ZPBP: variants seen among roughly 807,000 people sequenced by gnomAD.
ZPBP encodes the protein zona pellucida binding protein.
ZPBP carries 26 observed loss-of-function variants against 44.8 expected under a neutral mutation model. The ratio of observed to expected loss-of-function variants is 0.58; its 90% CI spans 0.43 to 0.81. The LOEUF (loss-of-function observed/expected upper bound fraction) is 0.81, where lower values mean the gene tolerates loss of function less well. Ranked by LOEUF, ZPBP falls within the 30% of genes least tolerant of loss-of-function variation. ZPBP has a pLI of 0.00. For missense variants in ZPBP, 409 were observed against 434.0 expected, an observed-to-expected ratio of 0.94 and a Z score of 0.51; for synonymous variants, 174 against 153.2, an observed-to-expected ratio of 1.14 and a Z score of -1.00.
At chr7:49,871,952 CACACA>C (rs1791174015) in intron 2 of ZPBP, among the ~76,000 whole-genome samples, 1 of 78,406 alleles carries the variant, frequency 1.3e-5, no homozygotes, top group African/African-American at 5.3e-5. Context: ...CACACACACA[CACACA>C]CCGAGAAAGA....
chr7:49,931,643 G>C lies in ZPBP; in HGVS notation n.411+4108C>G, dbSNP rs544854125. Among the ~76,000 whole-genome samples the C allele has an allele frequency of 3.4e-4, 52 of 152,302 alleles. 1 individual carries two copies. In the South Asian group the frequency reaches 0.011, roughly 32 times the overall value. On this transcript the variant is annotated intron_variant and non_coding_transcript_variant, in intron 1 of 2. Coordinates refer to the ZPBP transcript ENST00000465922. ...TTTGGAAAATTTGCAGCCTGACGAT[G>C]GGATAGAAAAGAAAAACCCATTTTC...
At chr7:49,894,410 G>T (rs1792278719) in intron 2 of ZPBP, among the ~76,000 whole-genome samples, 1 of 152,226 alleles carries the variant, frequency 6.6e-6, no homozygotes. Flanking sequence ...TATGATTACA[G>T]GCATGAGCCA....
At chr7:49,850,180 C>T (rs901323002), downstream of ZPBP, among the ~76,000 whole-genome samples, 1 of 152,202 alleles carries the variant, frequency 6.6e-6, no homozygotes, top group Non-Finnish European at 1.5e-5. Flanking sequence ...GAGCATAGTA[C>T]CACAACACAG....
chr7:49,900,894 G>T (rs553778866), intron 2 of ZPBP, among the ~76,000 whole-genome samples: 1 of 151,968 alleles, frequency 6.6e-6, no homozygotes, highest in African/African-American at 2.4e-5. Flanking sequence ...CCAACCATGT[G>T]TAAGAATAAT....
intron 2 of ZPBP, among the ~76,000 whole-genome samples, chr7:50,089,358 T>C (rs1276596172): frequency 2.0e-5 from 3 of 152,092 alleles, no homozygotes; most frequent in African/African-American, 4.8e-5. Context: ...TTTAATATTA[T>C]AGCTAATTAT....
intron 6 of ZPBP, among the ~76,000 whole-genome samples, chr7:49,994,326 TC>T (rs2128790266): frequency 6.6e-6 from 1 of 152,172 alleles, no homozygotes; most frequent in East Asian, 1.9e-4. Flanking sequence ...TGTCAACTGA[TC>T]ATAGAGAACT....
In ZPBP at chr7:50,042,485, C is replaced by T. The variant is rs1800143669; in HGVS notation, c.488-11175G>A. Among the ~76,000 whole-genome samples, 3 of 152,210 alleles carry T rather than the reference C, an allele frequency of 2.0e-5. No individual in the cohort carries two copies. In the South Asian group the frequency reaches 6.2e-4, roughly 32 times the overall value. On this transcript the variant is annotated intron_variant, in intron 4 of 7. Coordinates refer to ENST00000046087, the MANE Select transcript of ZPBP (RefSeq NM_007009.3). ...AGAAGATCTCTCTGCAGAAACCCTA[C>T]AAGCCAGAAGAGAGTGGGGGCCAAT... is the stretch of plus-strand genomic sequence containing the variant.
intron 5 of ZPBP, among the ~76,000 whole-genome samples, chr7:50,019,015 T>C (rs1337704469): frequency 6.6e-6 from 1 of 151,954 alleles, no homozygotes; most frequent in Non-Finnish European, 1.5e-5. Context: ...AAAAAATACA[T>C]GGAAAGAAAT....
At chr7:49,874,663 T>C (rs1791323146) in intron 2 of ZPBP, among the ~76,000 whole-genome samples, 1 of 152,156 alleles carries the variant, frequency 6.6e-6, no homozygotes, top group South Asian at 2.1e-4. Context: ...CTTTTTCTTT[T>C]CTGGAATTTA....
intron 1 of ZPBP, chr7:49,920,919 T>C (rs1362039769): frequency 6.6e-6 from 1 of 152,214 alleles, no homozygotes; most frequent in African/African-American, 2.4e-5. Flanking sequence ...TAAAATGTTG[T>C]ACTTATTACA....
chr7:50,057,822 C>T (rs947249931), intron 4 of ZPBP, among the ~76,000 whole-genome samples, 167 bp downstream of exon 4: 1 of 152,138 alleles, frequency 6.6e-6, no homozygotes, highest in Non-Finnish European at 1.5e-5. Flanking sequence ...CATTCTGTGC[C>T]CTCACCACTA....
chr7:49,984,174 C>T (rs1797146659), intron 6 of ZPBP, among the ~76,000 whole-genome samples: 1 of 152,128 alleles, frequency 6.6e-6, no homozygotes, highest in African/African-American at 2.4e-5. Flanking sequence ...CTAACTAGCA[C>T]CTCCAATCTA....
chr7:49,943,517 T>C, intron 7 of ZPBP: 1 of 404,030 alleles, frequency 2.5e-6, no homozygotes, highest in Admixed American at 2.9e-5. Context: ...TTCTTGTCAG[T>C]GTACAACTTT....
intron 2 of ZPBP, among the ~76,000 whole-genome samples, chr7:49,873,199 C>T (rs2128724054): frequency 6.6e-6 from 1 of 152,234 alleles, no homozygotes; most frequent in South Asian, 2.1e-4. Flanking sequence ...TAACAAAATA[C>T]ATGAACTGGA....
intron 6 of ZPBP, among the ~76,000 whole-genome samples, chr7:49,992,128 G>A (rs1329800435): frequency 6.6e-6 from 1 of 152,054 alleles, no homozygotes; most frequent in African/African-American, 2.4e-5. Flanking sequence ...TAGAGAGGTT[G>A]GAGGAGGAAA....
chr7:50,008,909 T>TCATTTTG (rs763210010), intron 6 of ZPBP, among the ~76,000 whole-genome samples: 2 of 151,934 alleles, frequency 1.3e-5, no homozygotes, highest in Non-Finnish European at 2.9e-5. Flanking sequence ...GGCACAGTGC[T>TCATTTTG]CATTTTGCAA....
At chr7:50,011,367 C>T (rs1219928486) in intron 6 of ZPBP, among the ~76,000 whole-genome samples, 1 of 152,120 alleles carries the variant, frequency 6.6e-6, no homozygotes, top group African/African-American at 2.4e-5. Flanking sequence ...ACAGATGGGA[C>T]TTAATTAAAC....
chr7:49,989,928 G>T (rs960098068), intron 6 of ZPBP, among the ~76,000 whole-genome samples: 2 of 152,102 alleles, frequency 1.3e-5, no homozygotes, highest in South Asian at 2.1e-4. Flanking sequence ...AACTATAGCT[G>T]CCAGTTTTCT....
intron 2 of ZPBP, among the ~76,000 whole-genome samples, chr7:49,870,162 A>G (rs1044906635): frequency 2.0e-5 from 3 of 152,188 alleles, no homozygotes; most frequent in African/African-American, 7.2e-5. Flanking sequence ...GCACTTTGGG[A>G]GACCGAGGTG....
Sources: allele counts gnomAD v4.1 joint callset (sites outside exome capture counted in the v4.1 genomes callset), GRCh38; gene constraint gnomAD v4.1.1; transcripts MANE v1.5; gene names NCBI Gene and HGNC (gene_info 2026-07-23, HGNC 2026-07-21).